The following NEURL2 variants were observed in gnomAD, a reference collection of about 807,000 sequenced individuals.
NEURL2 encodes neuralized-like protein 2.
NEURL2 carries 16 observed loss-of-function variants against 15.9 expected under a neutral mutation model. The ratio of observed to expected loss-of-function variants is 1.01; its 90% CI spans 0.68 to 1.53. NEURL2 has a LOEUF of 1.53. NEURL2 is among the 40% of genes most tolerant of loss of function. The pLI is 0.00. For synonymous variants in NEURL2, 188 were observed against 178.3 expected (o/e 1.05, Z -0.43); for missense variants, 393 against 407.8 (o/e 0.96, Z 0.31).
In NEURL2 at chr20:45,890,713, C is replaced by T. The variant is rs1199382447; in HGVS notation, c.279G>A (p.Leu93=). 5.0e-6 allele frequency: 8 copies of T among 1,613,638 alleles called. No individual in the cohort carries two copies. In the African/African-American group the frequency reaches 9.3e-5, roughly 19 times the overall value. The change falls in exon 1 of 2, where the codon CTG becomes CTA. Residue 93 remains leucine, a synonymous_variant. Coordinates refer to ENST00000372518, the MANE Select transcript of NEURL2 (RefSeq NM_080749.4). ...GCAGAGAAAACTCGGGAACGGGGGC[C>T]AGACTGGCGGGGTCCAGCGCGGTCA... The part of the protein sequence containing the change: ...LGLTALDPAS[L]APVPEFSLPD...
rs1480126569 is a variant in NEURL2 at position 45,891,042 on chromosome 20, G to A, written c.-51C>T. On this transcript the variant is annotated 5_prime_UTR_variant, in exon 1 of 2. Transcript: ENST00000372518. The surrounding 1 kb of genome is among the most constrained non-coding windows in gnomAD (Gnocchi z 4.6). ...GGCGCCGGGGGCTATTTTGGGCGGCGGGCAATGATGGTGACCGCAAGGCGA... is the reference window on the plus strand; with the variant it reads ...GGCGCCGGGGGCTATTTTGGGCGGCAGGCAATGATGGTGACCGCAAGGCGA... The A allele has an allele frequency of 1.4e-6, 2 of 1,441,746 alleles. No homozygotes were observed. The highest frequency in any genetic ancestry group is 1.8e-6 in the Non-Finnish European group (2 of 1,095,528). The allele number at this position is 1,441,746 out of a possible 1,614,324, so 89.3% of individuals were successfully genotyped here.
In NEURL2 at chr20:45,890,566, G is replaced by A. The variant is rs374500006; in HGVS notation, c.426C>T (p.Leu142=). ...AAAPSRPPTL[L]VEPYLRIEQF... is the part of the protein sequence containing the mutation. ...GCTCAATGCGCAGATATGGTTCCAC[G>A]AGGAGGGTTGGAGGTCGGCTGGGGG... The change falls in exon 1 of 2, where the codon CTC becomes CTT. Residue 142 remains leucine (L), a synonymous_variant. Transcript: ENST00000372518. 3 of 1,612,012 alleles carry A rather than the reference G, an allele frequency of 1.9e-6. No individual in the cohort carries two copies. The highest frequency in any genetic ancestry group is 2.5e-6 in the Non-Finnish European group (3 of 1,179,182).
chr20:45,888,984 C>T, intron 1 of NEURL2, 111 bp from the exon 2 acceptor site: 2 of 1,261,372 alleles, frequency 1.6e-6, no homozygotes, highest in Non-Finnish European at 2.2e-6. Context: ...TGGGCAAGTC[C>T]TTACTGCTCT....
At chr20:45,890,206 T>C (rs1986688450) in intron 1 of NEURL2, 44 bp downstream of exon 1, 1 of 1,610,562 alleles carries the variant, frequency 6.2e-7, no homozygotes, top group African/African-American at 1.3e-5. Context: ...TAGATTCCAG[T>C]CCCCACACTG....
rs1364667437 is a variant in NEURL2, at chr20:45,890,091, C to T, written c.742+159G>A. 10 of 744,782 alleles carry T rather than the reference C, an allele frequency of 1.3e-5. No individual in the cohort carries two copies. The East Asian group carries it at 2.7e-4, about 20-fold the overall frequency. 46.1% of individuals were successfully genotyped at this position (744,782 alleles called of 1,614,324 possible). A position where few individuals can be genotyped will look rare whatever the true frequency, so the allele number is the denominator to read the frequency against. Reference sequence around the variant, plus strand: ...ACCAAGGCCCAAAACCATGTAGAGGCTTGTGCAAGATCACAAGCAGAGGTG... The same window carrying T: ...ACCAAGGCCCAAAACCATGTAGAGGTTTGTGCAAGATCACAAGCAGAGGTG... On this transcript the variant is annotated intron_variant, in intron 1 of 1. Coordinates refer to ENST00000372518, the MANE Select transcript of NEURL2 (RefSeq NM_080749.4).
Position 45,888,662 on chromosome 20 carries a change from C to G in NEURL2, c.*96G>C. 1 of 1,177,700 alleles carries G rather than the reference C, an allele frequency of 8.5e-7. No homozygotes were observed. Among genetic ancestry groups the G allele is most frequent in the Non-Finnish European group, 1.2e-6 (1 of 812,978 alleles). 73.0% of individuals were successfully genotyped at this position (1,177,700 alleles called of 1,614,324 possible). A position where few individuals can be genotyped will look rare whatever the true frequency, so the allele number is the denominator to read the frequency against. On this transcript the variant is annotated 3_prime_UTR_variant, in exon 2 of 2. Transcript: ENST00000372518. Reference sequence around the variant, plus strand: ...AGATGTCAGCATCGGCTGTTTATTTCTGGTCTTGGCTGGCAGCAATGTGGC... The same window carrying G: ...AGATGTCAGCATCGGCTGTTTATTTGTGGTCTTGGCTGGCAGCAATGTGGC...
Position 45,888,883 on chromosome 20 carries a change from G to A in NEURL2, c.743-10C>T, listed in dbSNP as rs1252149111. On this transcript the variant is annotated splice_polypyrimidine_tract_variant and intron_variant, in intron 1 of 1. Transcript: ENST00000372518. The stretch of plus-strand genomic sequence containing the variant: ...GTCTGCAGGGATGGCACTGTGGGAA[G>A]AAGACTGTGAAAGGCAAACTGAACT... 1.2e-6 allele frequency: 2 copies of A among 1,613,936 alleles called. No homozygotes were observed. The highest frequency in any genetic ancestry group is 1.7e-5 in the Admixed American group (1 of 59,994).
rs1374929338 is a variant in NEURL2 at position 45,890,612 on chromosome 20, C to A, written c.380G>T (p.Arg127Leu). 5 of 1,612,640 alleles carry A rather than the reference C, an allele frequency of 3.1e-6. No homozygotes were observed. The African/African-American group carries it at 6.7e-5, about 22-fold the overall frequency. ...GGGGGCCGCTGCCTCCGCCTCCGGG[C>A]GGCCCTCCCGGGGCACGCGGTTGTG... ...RHHNRVPREG[R>L]PEAEAAAPSR... The change falls in exon 1 of 2, where the codon CGC (arginine) becomes CTC (leucine). Residue 127 changes from arginine (R) to leucine (L), a missense_variant. Arg to Leu is a moderately radical substitution (Grantham distance 102). Coordinates refer to ENST00000372518, the MANE Select transcript of NEURL2 (RefSeq NM_080749.4).
In NEURL2 at chr20:45,890,821, G is replaced by A. The variant is rs377198905; in HGVS notation, c.171C>T (p.Arg57=). ...AGACCTGGCCCGGGGCCAGCGGCTC[G>A]CGGCTGAAGCACACGCCGTGGGCGA... The part of the protein sequence containing the change: ...ESFAHGVCFS[R]EPLAPGQVFL... The change falls in exon 1 of 2, where the codon CGC becomes CGT. Residue 57 remains arginine, a synonymous_variant. Transcript: ENST00000372518. 6 of 1,569,264 alleles carry A rather than the reference G, an allele frequency of 3.8e-6. No homozygotes were observed. The highest frequency in any genetic ancestry group is 5.2e-6 in the Non-Finnish European group (6 of 1,158,190).
Position 45,890,811 on chromosome 20 carries a change from C to T in NEURL2, c.181G>A (p.Ala61Thr), listed in dbSNP as rs761120775. ...HGVCFSREPLAPGQVFLVEIE... is the reference protein window; with the variant it reads ...HGVCFSREPLTPGQVFLVEIE... ...TCGACCAGGAAGACCTGGCCCGGGG[C>T]CAGCGGCTCGCGGCTGAAGCACACG... Residue 61 changes from alanine to threonine, a missense_variant, in exon 1 of 2, where the codon GCC becomes ACC. Coordinates refer to ENST00000372518, the MANE Select transcript of NEURL2 (RefSeq NM_080749.4). The T allele has an allele frequency of 1.3e-6, 2 of 1,584,936 alleles. No homozygotes were observed. Among genetic ancestry groups the T allele is most frequent in the Non-Finnish European group, 1.7e-6 (2 of 1,164,946 alleles).
At chr20:45,889,016 G>A (rs769606551) in intron 1 of NEURL2, 143 bp from the exon 2 acceptor site, 84 of 873,904 alleles carry the variant, frequency 9.6e-5, no homozygotes, top group Non-Finnish European at 1.4e-4. Flanking sequence ...CTGCTTCATG[G>A]GGCTGAGAGA....
Position 45,891,019 on chromosome 20 carries a change from C to A in NEURL2, c.-28G>T, listed in dbSNP as rs536781269. 7.5e-6 allele frequency: 11 copies of A among 1,459,496 alleles called. No individual in the cohort carries two copies. The highest frequency in any genetic ancestry group is 9.9e-6 in the Non-Finnish European group (11 of 1,105,846). 90.4% of individuals were successfully genotyped at this position (1,459,496 alleles called of 1,614,324 possible). A position where few individuals can be genotyped will look rare whatever the true frequency, so the allele number is the denominator to read the frequency against. On this transcript the variant is annotated 5_prime_UTR_variant, in exon 1 of 2. Coordinates refer to ENST00000372518, the MANE Select transcript of NEURL2 (RefSeq NM_080749.4). This position sits in a 1 kb window ranked among gnomAD's most constrained non-coding sequence, Gnocchi z 4.6. ...CTCGGCCATAGGGCAGGCCAGCTGG[C>A]GCCGGGGGCTATTTTGGGCGGCGGG...
chr20:45,890,127 C>T lies in NEURL2; in HGVS notation c.742+123G>A. 5 of 1,076,338 alleles carry T rather than the reference C, an allele frequency of 4.6e-6. 1 individual carries two copies. The South Asian group carries it at 7.1e-5, about 15-fold the overall frequency. The allele number at this position is 1,076,338 out of a possible 1,614,324, so 66.7% of individuals were successfully genotyped here. ...TCACAAGCAGAGGTGCAATTTGAAGCTAGATTCTCCCACTCTTAAACTAGT... is the reference window on the plus strand; with the variant it reads ...TCACAAGCAGAGGTGCAATTTGAAGTTAGATTCTCCCACTCTTAAACTAGT... On this transcript the variant is annotated intron_variant, in intron 1 of 1. Transcript: ENST00000372518.
chr20:45,889,878 T>G (rs549123118), intron 1 of NEURL2, among the ~76,000 whole-genome samples: 13 of 152,332 alleles, frequency 8.5e-5, no homozygotes, highest in Non-Finnish European at 1.6e-4. Context: ...CCTCCCAAAG[T>G]GCTGGGATTA....
intron 1 of NEURL2, chr20:45,890,029 A>G (rs1986674286): frequency 3.4e-6 from 2 of 588,742 alleles, no homozygotes; most frequent in South Asian, 4.2e-5. Context: ...CTAAAAGGGA[A>G]CTTGTAGGGC....
At position 45,890,484 on chromosome 20, in the gene NEURL2, G is replaced by A; in HGVS notation, c.508C>T (p.His170Tyr). The change falls in exon 1 of 2, where the codon CAT becomes TAT. Residue 170 changes from histidine (H) to tyrosine (Y), a missense_variant. His to Tyr is a moderately conservative substitution (Grantham distance 83, BLOSUM62 2). Transcript: ENST00000372518. ...VGRSRPGLYS[H>Y]LLDQLYELNV... ...AGCTCATAGAGCTGGTCCAAGAGAT[G>A]GCTGTAGAGCCCTGGCCGGCTGCGG... 1 of 1,599,158 alleles carries A rather than the reference G, an allele frequency of 6.3e-7. No individual in the cohort carries two copies. The highest frequency in any genetic ancestry group is 1.1e-5 in the South Asian group (1 of 89,048).
rs747091278 is a variant in NEURL2 at position 45,890,918 on chromosome 20, C to T, written c.74G>A (p.Arg25His). ...GLERPEPPPT[R>H]FHRVHGANIR... ...GTTGGCACCGTGCACCCGATGGAAG[C>T]GGGTGGGAGGGGGCTCCGGGCGCTC... Residue 25 changes from arginine to histidine, a missense_variant, in exon 1 of 2, where the codon CGC (arginine) becomes CAC (histidine). Arg to His is a conservative substitution (Grantham distance 29). Coordinates refer to ENST00000372518, the MANE Select transcript of NEURL2 (RefSeq NM_080749.4). 6.5e-7 allele frequency: 1 copy of T among 1,543,436 alleles called. No individual in the cohort carries two copies. Among genetic ancestry groups the T allele is most frequent in the Non-Finnish European group, 8.7e-7 (1 of 1,144,086 alleles).
rs1427168697 is a variant in NEURL2, at chr20:45,890,454, C to T, written c.538G>A (p.Val180Met). 6.2e-7 allele frequency: 1 copy of T among 1,606,382 alleles called. No individual in the cohort carries two copies. Among genetic ancestry groups the T allele is most frequent in the Non-Finnish European group, 8.5e-7 (1 of 1,176,352 alleles). The part of the protein sequence containing the change: ...HLLDQLYELN[V>M]LPPTARRSRL... ...CTACGGCGCGCGGTCGGAGGCAGCACGTTCAGCTCATAGAGCTGGTCCAAG... is the reference window on the plus strand; with the variant it reads ...CTACGGCGCGCGGTCGGAGGCAGCATGTTCAGCTCATAGAGCTGGTCCAAG... The change falls in exon 1 of 2, where the codon GTG becomes ATG. Residue 180 changes from valine to methionine, a missense_variant. Physicochemically the swap from Val to Met is conservative, Grantham distance 21. Coordinates refer to ENST00000372518, the MANE Select transcript of NEURL2 (RefSeq NM_080749.4).
At position 45,890,899 on chromosome 20, in the gene NEURL2, A is replaced by G. The variant is rs1469988492; in HGVS notation, c.93T>C (p.Gly31=). Residue 31 remains glycine (G), a synonymous_variant, in exon 1 of 2, where the codon GGT becomes GGC. Transcript: ENST00000372518. ...CAGAGGGGTCCACGCGGATGTTGGC[A>G]CCGTGCACCCGATGGAAGCGGGTGG... ...PPPTRFHRVH[G]ANIRVDPSGT... is the part of the protein sequence containing the mutation. The G allele has an allele frequency of 6.4e-7, 1 of 1,560,512 alleles. No individual in the cohort carries two copies. The highest frequency in any genetic ancestry group is 1.4e-5 in the African/African-American group (1 of 73,432).
Sources: gnomAD v4.1 joint callset for allele counts (sites outside exome capture counted in the v4.1 genomes callset) on GRCh38, gnomAD v4.1.1 for gene constraint, Gnocchi (gnomAD v3.1) non-coding constraint, MANE v1.5 for transcripts, NCBI Gene and HGNC (gene_info 2026-07-23, HGNC 2026-07-21) for gene names.